Variants in UGT3A1 observed in about 807,000 individuals in gnomAD.
UGT3A1 encodes the protein UDP-glycosyltransferase 3A1.
In UGT3A1, 40 loss-of-function variants were observed where a neutral mutation model predicts 37.6. The observed-to-expected ratio is 1.06, with a 90% CI of 0.83 to 1.38. The LOEUF (loss-of-function observed/expected upper bound fraction) is 1.38. Ranked by LOEUF, UGT3A1 falls within the 40% of genes most tolerant of loss-of-function variation. UGT3A1 has a pLI of 0.00. For missense variants in UGT3A1, 642 were observed against 634.2 expected, an observed-to-expected ratio of 1.01 and a Z score of -0.13; for synonymous variants, 256 against 232.3, an observed-to-expected ratio of 1.10 and a Z score of -0.93.
intron 2 of UGT3A1, among the ~76,000 whole-genome samples, chr5:35,978,252 C>T (rs1006950287): frequency 6.6e-6 from 1 of 152,152 alleles, no homozygotes. Flanking sequence ...CCAGGCTGGA[C>T]TTGAACTCCT....
At position 35,984,583 on chromosome 5, in the gene UGT3A1, G is replaced by A. The variant is rs555021799; in HGVS notation, c.196+3867C>T. Among the ~76,000 whole-genome samples, 128 of 149,546 alleles carry A rather than the reference G, an allele frequency of 8.6e-4. 1 individual carries two copies. Among genetic ancestry groups the A allele is most frequent in the Admixed American group, 3.4e-3 (50 of 14,794 alleles). On this transcript the variant is annotated intron_variant, in intron 2 of 6. Coordinates refer to ENST00000274278, the MANE Select transcript of UGT3A1 (RefSeq NM_152404.4). ...TGCCTCCCAAGTTCAAGTACTTATCGTGCCTCAGCCTCCTGAGTACCTGGG... is the reference window on the plus strand; with the variant it reads ...TGCCTCCCAAGTTCAAGTACTTATCATGCCTCAGCCTCCTGAGTACCTGGG...
chr5:35,996,704 T>C (rs1041289191), intron 2 of UGT3A1, among the ~76,000 whole-genome samples: 1 of 152,160 alleles, frequency 6.6e-6, no homozygotes, highest in African/African-American at 2.4e-5. Context: ...TTAAAAACTG[T>C]CCTGACAATG....
At chr5:35,956,567 T>C (rs1460776494) in intron 5 of UGT3A1, among the ~76,000 whole-genome samples, 2 of 152,204 alleles carry the variant, frequency 1.3e-5, no homozygotes, top group Non-Finnish European at 2.9e-5. Flanking sequence ...CCAAAAAGTA[T>C]CACAAGGACA....
intron 2 of UGT3A1, among the ~76,000 whole-genome samples, chr5:35,977,414 G>T (rs1186476360): frequency 6.6e-6 from 1 of 152,206 alleles, no homozygotes; most frequent in Non-Finnish European, 1.5e-5. Context: ...GACCTCCAAA[G>T]TTGGAGGTGG....
chr5:35,964,744 C>T (rs2149959819), intron 4 of UGT3A1, among the ~76,000 whole-genome samples: 1 of 152,332 alleles, frequency 6.6e-6, no homozygotes, highest in African/African-American at 2.4e-5. Flanking sequence ...AGGCAACAGG[C>T]TGCCAACTCA....
intron 4 of UGT3A1, among the ~76,000 whole-genome samples, chr5:35,958,510 T>C (rs368113272): frequency 2.0e-5 from 3 of 151,992 alleles, no homozygotes; most frequent in African/African-American, 7.3e-5. Context: ...CTTGTAATTA[T>C]AAAATCATTA....
At chr5:35,975,765 T>A (rs1169415371) in intron 2 of UGT3A1, among the ~76,000 whole-genome samples, 1 of 152,220 alleles carries the variant, frequency 6.6e-6, no homozygotes, top group Non-Finnish European at 1.5e-5. Context: ...TGCATATGTA[T>A]ACATGTGCCA....
chr5:35,998,881 C>T (rs1332415111), intron 1 of UGT3A1, among the ~76,000 whole-genome samples: 1 of 152,118 alleles, frequency 6.6e-6, no homozygotes, highest in African/African-American at 2.4e-5. Context: ...TGGGGTTGCT[C>T]ATGACTTTGG....
intron 2 of UGT3A1, among the ~76,000 whole-genome samples, chr5:35,972,542 G>T (rs1740088401): frequency 7.4e-6 from 1 of 135,912 alleles, no homozygotes. Flanking sequence ...TGTCCAATTG[G>T]TACTGTTTTT....
At chr5:35,968,515 G>C (rs975265984) in intron 2 of UGT3A1, among the ~76,000 whole-genome samples, 1 of 152,152 alleles carries the variant, frequency 6.6e-6, no homozygotes, top group African/African-American at 2.4e-5. Flanking sequence ...ATTGATTTCA[G>C]AGCCCATGCT....
In UGT3A1 at chr5:35,969,767, G is replaced by T. The variant is rs140676495; in HGVS notation, c.197-1634C>A. On this transcript the variant is annotated intron_variant, in intron 2 of 6. Coordinates refer to ENST00000274278, the MANE Select transcript of UGT3A1 (RefSeq NM_152404.4). ...AATCAACAATTGGGCAAAAGTTACA[G>T]GTATATCAGAATATTTCACTAAATT... Among the ~76,000 whole-genome samples the T allele has an allele frequency of 5.3e-4, 81 of 152,184 alleles. 1 individual carries two copies. In the Middle Eastern group the frequency reaches 0.017, roughly 32 times the overall value.
Position 35,954,321 on chromosome 5 carries a change from G to T in UGT3A1, c.1453C>A (p.Leu485Ile), listed in dbSNP as rs1424316492. ...AFQQPWHEQY[L>I]IDVFVFLLGL... ...AGCAGAAACACAAAGACATCAATGA[G>T]GTACTGCTCATGCCAAGGCTGCTGG... The change falls in exon 7 of 7, where the codon CTC (leucine) becomes ATC (isoleucine). Residue 485 changes from leucine (L) to isoleucine (I), a missense_variant. Leu to Ile is a conservative substitution (Grantham distance 5). Transcript: ENST00000274278. 1.9e-6 allele frequency: 3 copies of T among 1,614,216 alleles called. No homozygotes were observed. The highest frequency in any genetic ancestry group is 1.7e-6 in the Non-Finnish European group (2 of 1,180,044).
chr5:35,996,176 G>A (rs1030031865), upstream of UGT3A1, among the ~76,000 whole-genome samples: 5 of 152,100 alleles, frequency 3.3e-5, no homozygotes, highest in Non-Finnish European at 5.9e-5. Flanking sequence ...TGTAAAAGAC[G>A]AGGATACCTT....
intron 1 of UGT3A1, among the ~76,000 whole-genome samples, chr5:35,998,013 G>C (rs1012711054): frequency 6.6e-6 from 1 of 152,132 alleles, no homozygotes; most frequent in African/African-American, 2.4e-5. Flanking sequence ...GAGGATTTTG[G>C]GGCCTGGCAG....
Position 35,968,034 on chromosome 5 carries a change from G to A in UGT3A1, c.296C>T (p.Thr99Ile). The change falls in exon 3 of 7, where the codon ACA (threonine) becomes ATA (isoleucine). Residue 99 changes from threonine (T) to isoleucine (I), a missense_variant. Thr to Ile is a moderately conservative substitution (Grantham distance 89). Transcript: ENST00000274278. The part of the protein sequence containing the change: ...IKKHFDSYIE[T>I]ALDGRKESEA... ...AAGAAGTTACCTGCCATCCAATGCT[G>A]TTTCTATGTAGCTATCAAAATGCTT... 6.2e-7 allele frequency: 1 copy of A among 1,611,808 alleles called. No individual in the cohort carries two copies.
chr5:35,983,301 G>A (rs1740602795), intron 2 of UGT3A1, among the ~76,000 whole-genome samples: 1 of 151,910 alleles, frequency 6.6e-6, no homozygotes, highest in South Asian at 2.1e-4. Flanking sequence ...GGAAAAACTA[G>A]AAGAAAAGTA....
At chr5:35,999,242 A>AAAG (rs1404928767) in intron 1 of UGT3A1, among the ~76,000 whole-genome samples, 1 of 151,814 alleles carries the variant, frequency 6.6e-6, no homozygotes, top group Non-Finnish European at 1.5e-5. Flanking sequence ...ATCTCAAAAA[A>AAAG]AAAAAAAAAA....
chr5:35,993,236 C>A (rs186880004), upstream of UGT3A1, among the ~76,000 whole-genome samples: 508 of 152,138 alleles, frequency 3.3e-3, 1 homozygote, highest in Non-Finnish European at 4.8e-3. Context: ...GAGGCCAAGG[C>A]GGGTGGATCA....
chr5:35,968,302 C>T (rs1235169022), intron 2 of UGT3A1, among the ~76,000 whole-genome samples, 169 bp from the exon 3 acceptor site: 2 of 152,116 alleles, frequency 1.3e-5, no homozygotes, highest in African/African-American at 2.4e-5. Flanking sequence ...AATGCACAAC[C>T]TGATAATATT....
Sources: gnomAD v4.1 joint callset for allele counts (sites outside exome capture counted in the v4.1 genomes callset) on GRCh38, gnomAD v4.1.1 for gene constraint, MANE v1.5 for transcripts, NCBI Gene and HGNC (gene_info 2026-07-23, HGNC 2026-07-21) for gene names.